SPMAP2L: variants seen among roughly 807,000 people sequenced by gnomAD.
The protein encoded by SPMAP2L is sperm microtubule associated protein 2-like.
chr4:56,571,052 C>A, the SPMAP2L span, among the ~76,000 whole-genome samples: 1 of 151,920 alleles, frequency 6.6e-6, no homozygotes, highest in Non-Finnish European at 1.5e-5. Context: ...GATCCACCAA[C>A]CTCAGCCTCC....
the SPMAP2L span, among the ~76,000 whole-genome samples, chr4:56,537,698 T>C: frequency 7.2e-6 from 1 of 138,808 alleles, no homozygotes; most frequent in Non-Finnish European, 1.5e-5. Context: ...TTTTCTTTTC[T>C]TTTTTTTTTT....
At chr4:56,560,144 T>C in the SPMAP2L span, among the ~76,000 whole-genome samples, 1 of 152,202 alleles carries the variant, frequency 6.6e-6, no homozygotes, top group Non-Finnish European at 1.5e-5. Context: ...AAGATATCTT[T>C]GAAGAATTCT....
At chr4:56,594,345 A>G in the SPMAP2L span, 35 of 1,531,666 alleles carry the variant, frequency 2.3e-5, no homozygotes, top group Non-Finnish European at 3.1e-5. Flanking sequence ...ATGAAACTGA[A>G]CAGTTCGTCT....
the SPMAP2L span, among the ~76,000 whole-genome samples, chr4:56,583,483 C>T: frequency 6.6e-6 from 1 of 151,562 alleles, no homozygotes; most frequent in East Asian, 1.9e-4. Flanking sequence ...TGTATCTCAG[C>T]AAAAAAACAA....
chr4:56,558,703 CT>C, the SPMAP2L span, among the ~76,000 whole-genome samples: 14 of 152,172 alleles, frequency 9.2e-5, no homozygotes, highest in African/African-American at 3.4e-4. Flanking sequence ...ATATTTACCC[CT>C]ATCCAAAGAC....
the SPMAP2L span, among the ~76,000 whole-genome samples, chr4:56,564,410 G>A: frequency 6.6e-6 from 1 of 152,168 alleles, no homozygotes; most frequent in Non-Finnish European, 1.5e-5. Flanking sequence ...AAAGTGCTGG[G>A]ATTACAAGCG....
the SPMAP2L span, chr4:56,594,641 G>A: frequency 3.7e-6 from 5 of 1,361,826 alleles, no homozygotes; most frequent in South Asian, 4.7e-5. Context: ...CCACATGGCA[G>A]GCATGAAGAT....
chr4:56,594,100 G>C, the SPMAP2L span: 23 of 1,608,534 alleles, frequency 1.4e-5, no homozygotes, highest in Non-Finnish European at 1.7e-5. Context: ...AAAAAGATCT[G>C]GACGATTTGT....
the SPMAP2L span, among the ~76,000 whole-genome samples, chr4:56,578,806 G>A: frequency 6.8e-3 from 1,033 of 152,000 alleles, 11 homozygotes; most frequent in African/African-American, 0.024. Context: ...TACAATTATG[G>A]CTGGATGCAG....
the SPMAP2L span, among the ~76,000 whole-genome samples, chr4:56,597,623 G>T: frequency 2.0e-5 from 3 of 152,156 alleles, no homozygotes; most frequent in African/African-American, 7.2e-5. Flanking sequence ...TCAGGCAAAT[G>T]ACTTTATTCT....
At chr4:56,570,441 G>A in the SPMAP2L span, among the ~76,000 whole-genome samples, 1 of 152,118 alleles carries the variant, frequency 6.6e-6, no homozygotes, top group Non-Finnish European at 1.5e-5. Context: ...GGTGCTCTTG[G>A]GCTACAAAGC....
chr4:56,624,920 G>T, the SPMAP2L span, among the ~76,000 whole-genome samples: 5 of 152,136 alleles, frequency 3.3e-5, 1 homozygote, highest in South Asian at 1.0e-3. Context: ...GAGAGAAGAG[G>T]GTCACTGTCC....
the SPMAP2L span, among the ~76,000 whole-genome samples, chr4:56,542,500 G>A: frequency 2.1e-4 from 32 of 151,260 alleles, no homozygotes; most frequent in African/African-American, 7.5e-4. Context: ...TCTTAAAAAG[G>A]GGAAGAAAAT....
chr4:56,625,175 T>C, the SPMAP2L span, among the ~76,000 whole-genome samples: 2 of 152,312 alleles, frequency 1.3e-5, no homozygotes, highest in East Asian at 3.9e-4. Context: ...TTCAGACTTA[T>C]ATGGGGCCTG....
chr4:56,559,642 A>C, the SPMAP2L span: 1 of 1,019,358 alleles, frequency 9.8e-7, no homozygotes, highest in Non-Finnish European at 1.3e-6. Context: ...ATCTTGGCTC[A>C]CTGCAACCTC....
chr4:56,574,852 C>T, the SPMAP2L span, among the ~76,000 whole-genome samples: 5 of 152,028 alleles, frequency 3.3e-5, no homozygotes, highest in African/African-American at 4.8e-5. Flanking sequence ...CATAGAGGCA[C>T]ATGCCTGTGA....
chr4:56,579,586 A>G, the SPMAP2L span, among the ~76,000 whole-genome samples: 1 of 152,144 alleles, frequency 6.6e-6, no homozygotes, highest in Admixed American at 6.6e-5. Context: ...CCTGGGCAAC[A>G]TAGTGAGACC....
chr4:56,564,280 C>T, the SPMAP2L span, among the ~76,000 whole-genome samples: 59 of 151,894 alleles, frequency 3.9e-4, no homozygotes, highest in Admixed American at 7.9e-4. Context: ...ACTACAGGCA[C>T]GGCACGCACC....
At chr4:56,604,500 A>G in the SPMAP2L span, among the ~76,000 whole-genome samples, 2 of 152,054 alleles carry the variant, frequency 1.3e-5, no homozygotes, top group Admixed American at 6.5e-5. Flanking sequence ...TCTACTAAAA[A>G]TACAAAAATT....
Sources: gnomAD v4.1 joint callset for allele counts (sites outside exome capture counted in the v4.1 genomes callset) on GRCh38, gnomAD v4.1.1 for gene constraint, MANE v1.5 for transcripts, NCBI Gene and HGNC (gene_info 2026-07-23, HGNC 2026-07-21) for gene names.